The following WT1 variants were observed in gnomAD, a reference collection of about 807,000 sequenced individuals.
WT1 encodes WT1 transcription factor, also known as Wilms tumor protein.
In WT1, 8 loss-of-function variants were observed where a neutral mutation model predicts 60.8. The ratio of observed to expected loss-of-function variants is 0.13; its 90% CI spans 0.08 to 0.24. WT1 has a LOEUF of 0.24. Among genes scored for constraint, WT1 ranks in the 10% least tolerant of loss-of-function variants. WT1 has a pLI of 1.00. For synonymous variants in WT1, 312 were observed against 297.1 expected, an observed-to-expected ratio of 1.05 and a Z score of -0.52; for missense variants, 568 against 711.8, an observed-to-expected ratio of 0.80 and a Z score of 2.30.
chr11:32,417,694 A>G (rs1385809975), intron 3 of WT1, 40 bp from the exon 4 acceptor site: 1 of 1,517,788 alleles, frequency 6.6e-7, no homozygotes, highest in South Asian at 1.1e-5. Flanking sequence ...ACATAACCAC[A>G]AAATAATACA....
chr11:32,400,696 G>A (rs563774489), intron 5 of WT1: 2 of 164,288 alleles, frequency 1.2e-5, no homozygotes, highest in Non-Finnish European at 2.7e-5. Flanking sequence ...TACATAGGAA[G>A]AGCTGAAAGA....
chr11:32,432,206 G>C (rs1246640941), intron 1 of WT1, among the ~76,000 whole-genome samples: 1 of 152,208 alleles, frequency 6.6e-6, no homozygotes, highest in African/African-American at 2.4e-5. Flanking sequence ...CCCTGCCTGT[G>C]CACCATGGCT....
chr11:32,428,706 G>T (rs986938044), intron 1 of WT1, 87 bp from the exon 2 acceptor site: 2 of 1,545,114 alleles, frequency 1.3e-6, no homozygotes, highest in South Asian at 1.2e-5. Context: ...GGCGGGGGGG[G>T]TGTGCGCTGA....
chr11:32,434,795 G>C lies in WT1; in HGVS notation c.566C>G (p.Pro189Arg), dbSNP rs745879965. Residue 189 changes from proline to arginine, a missense_variant, in exon 1 of 10, where the codon CCG (proline) becomes CGG (arginine). Transcript: ENST00000452863. ...CTGGCCGGATGACGCCTGGCTGGGC[G>C]GAGGAGGACCGAAGGGCCCGTAGCG... 1 of 1,612,552 alleles carries C rather than the reference G, an allele frequency of 6.2e-7. No homozygotes were observed. Among genetic ancestry groups the C allele is most frequent in the South Asian group, 1.1e-5 (1 of 91,014 alleles).
chr11:32,428,698 CG>C lies in WT1; in HGVS notation c.662-80del, dbSNP rs34924443. On this transcript the variant is annotated intron_variant, in intron 1 of 9. Coordinates refer to ENST00000452863, the MANE Select transcript of WT1 (RefSeq NM_024426.6). ...GCAGTGGGTCTGAACCAGCCACGGG[CG>C]GGGGGGGTGTGCGCTGAACCCCGCA... 0.025 allele frequency: 37,612 copies of C among 1,525,794 alleles called. 576 individuals carry two copies. The highest frequency in any genetic ancestry group is 0.058 in the South Asian group (4,936 of 84,474). 94.5% of individuals were successfully genotyped at this position (1,525,794 alleles called of 1,614,324 possible).
chr11:32,412,515 AT>A (rs1182012518), intron 5 of WT1, among the ~76,000 whole-genome samples: 3 of 151,926 alleles, frequency 2.0e-5, no homozygotes, highest in Non-Finnish European at 4.4e-5. Context: ...TTTGCAGGAT[AT>A]TTTCTTCAGA....
chr11:32,427,132 C>G (rs1853075835), intron 3 of WT1, among the ~76,000 whole-genome samples: 2 of 152,214 alleles, frequency 1.3e-5, no homozygotes, highest in Non-Finnish European at 2.9e-5. Context: ...ACAGGCCTCG[C>G]GCTGCTGCTC....
intron 5 of WT1, among the ~76,000 whole-genome samples, chr11:32,413,978 G>T (rs147345949): frequency 6.6e-6 from 1 of 152,174 alleles, no homozygotes; most frequent in Non-Finnish European, 1.5e-5. Flanking sequence ...TGTCCTGGGG[G>T]TGTTGTAAGA....
At chr11:32,396,156 C>T (rs1851962510) in intron 7 of WT1, 101 bp downstream of exon 7, 12 of 1,550,488 alleles carry the variant, frequency 7.7e-6, no homozygotes, top group South Asian at 2.3e-5. Context: ...GCAGTGCTTA[C>T]TTTCCATCCT....
intron 1 of WT1, chr11:32,430,920 C>T: frequency 4.7e-6 from 5 of 1,053,354 alleles, no homozygotes; most frequent in South Asian, 4.4e-5. Flanking sequence ...GCGGAGAGTG[C>T]GGGGGCAGGG....
At chr11:32,404,044 C>T (rs1194851895) in intron 5 of WT1, among the ~76,000 whole-genome samples, 2 of 151,940 alleles carry the variant, frequency 1.3e-5, no homozygotes, top group East Asian at 3.9e-4. Flanking sequence ...GAGGCCGAGG[C>T]AGGCGGATCA....
intron 3 of WT1, among the ~76,000 whole-genome samples, chr11:32,425,826 TAAAC>T (rs1412671630): frequency 1.3e-5 from 2 of 152,148 alleles, no homozygotes; most frequent in Non-Finnish European, 2.9e-5. Context: ...AAGATAGAAA[TAAAC>T]AAATACTTCT....
chr11:32,400,127 G>T, intron 5 of WT1, 83 bp from the exon 6 acceptor site: 3 of 1,515,004 alleles, frequency 2.0e-6, no homozygotes, highest in Admixed American at 1.8e-5. Context: ...AGGAGGGAAT[G>T]ATGGTTTTTA....
Position 32,428,482 on chromosome 11 carries a change from G to C in WT1, c.784+15C>G, listed in dbSNP as rs1160084869. ...AAGAAGGGGAGAAGGACTCCACTTG[G>C]TTCCGCTCGCTTACCCAGCGAGCCC... On this transcript the variant is annotated intron_variant, in intron 2 of 9. Transcript: ENST00000452863. 1 of 1,613,974 alleles carries C rather than the reference G, an allele frequency of 6.2e-7. No homozygotes were observed. Among genetic ancestry groups the C allele is most frequent in the Non-Finnish European group, 8.5e-7 (1 of 1,180,034 alleles).
intron 3 of WT1, among the ~76,000 whole-genome samples, chr11:32,425,375 T>A (rs1443673310): frequency 6.6e-6 from 1 of 152,134 alleles, no homozygotes; most frequent in Non-Finnish European, 1.5e-5. Context: ...ACTGAATACC[T>A]AAAATCCAAA....
intron 5 of WT1, among the ~76,000 whole-genome samples, chr11:32,403,631 G>A (rs1323404168): frequency 6.8e-6 from 1 of 147,584 alleles, no homozygotes; most frequent in Admixed American, 6.8e-5. Flanking sequence ...CTGGAGTGCA[G>A]TGGCATGAAG....
At chr11:32,411,596 T>A (rs1326732560) in intron 5 of WT1, among the ~76,000 whole-genome samples, 1 of 152,230 alleles carries the variant, frequency 6.6e-6, no homozygotes, top group African/African-American at 2.4e-5. Flanking sequence ...TTCTAACTGT[T>A]CTATAATTTA....
At chr11:32,433,611 C>T (rs750083593) in intron 1 of WT1, among the ~76,000 whole-genome samples, 2 of 152,238 alleles carry the variant, frequency 1.3e-5, no homozygotes, top group Non-Finnish European at 2.9e-5. Flanking sequence ...TACTAAATTA[C>T]CGAATCAAAC....
At chr11:32,414,285 T>G (rs1363299162) in intron 5 of WT1, among the ~76,000 whole-genome samples, 1 of 152,196 alleles carries the variant, frequency 6.6e-6, no homozygotes, top group Non-Finnish European at 1.5e-5. Flanking sequence ...TGTTTTGTTT[T>G]GTTTTGTGGA....
Sources: gnomAD v4.1 joint callset for allele counts (sites outside exome capture counted in the v4.1 genomes callset) on GRCh38, gnomAD v4.1.1 for gene constraint, MANE v1.5 for transcripts, NCBI Gene and HGNC (gene_info 2026-07-23, HGNC 2026-07-21) for gene names.